The following ACTR3C variants were observed in gnomAD, a reference collection of about 807,000 sequenced individuals.
ACTR3C encodes actin related protein 3C.
ACTR3C carries 18 observed loss-of-function variants against 26.3 expected under a neutral mutation model. The ratio of observed to expected loss-of-function variants is 0.68; its 90% CI spans 0.47 to 1.01. The LOEUF (loss-of-function observed/expected upper bound fraction) is 1.01, where lower values mean the gene tolerates loss of function less well. Among genes scored for constraint, ACTR3C ranks in the 50% least tolerant of loss-of-function variants. The pLI is 0.00. For missense variants in ACTR3C, 184 were observed against 250.7 expected (o/e 0.73, Z 1.80); for synonymous variants, 55 against 94.5 (o/e 0.58, Z 2.42).
chr7:150,188,196 TA>T, the ACTR3C span, among the ~76,000 whole-genome samples: 4 of 152,222 alleles, frequency 2.6e-5, no homozygotes, highest in African/African-American at 9.6e-5. Context: ...GAACATTATA[TA>T]AATGAAATAA....
chr7:149,886,957 CAA>C, the ACTR3C span, among the ~76,000 whole-genome samples: 7,295 of 136,066 alleles, frequency 0.054, 165 homozygotes, highest in African/African-American at 0.082. Flanking sequence ...GAGACTGACT[CAA>C]AAAAAAAAAA....
intron 3 of ACTR3C, among the ~76,000 whole-genome samples, chr7:150,289,808 C>T (rs1299568584): frequency 6.6e-6 from 1 of 152,124 alleles, no homozygotes; most frequent in Non-Finnish European, 1.5e-5. Context: ...CAGATTATTC[C>T]AATAACCTGA....
the ACTR3C span, among the ~76,000 whole-genome samples, chr7:150,032,578 G>A: frequency 1.3e-5 from 2 of 152,104 alleles, no homozygotes; most frequent in African/African-American, 4.8e-5. Flanking sequence ...AAAACTTCAT[G>A]AGCTTAGAGC....
At chr7:149,951,860 G>T in the ACTR3C span, among the ~76,000 whole-genome samples, 1 of 150,336 alleles carries the variant, frequency 6.7e-6, no homozygotes, top group South Asian at 2.1e-4. Flanking sequence ...TCTTAGAATT[G>T]TGCCCAGCAG....
the ACTR3C span, among the ~76,000 whole-genome samples, chr7:150,237,261 A>G: frequency 3.7e-4 from 56 of 152,278 alleles, no homozygotes; most frequent in African/African-American, 1.3e-3. Flanking sequence ...TCCTCTTGGC[A>G]CTGGCTGTAT....
the ACTR3C span, among the ~76,000 whole-genome samples, chr7:149,976,667 TA>T: frequency 1.4e-4 from 20 of 146,652 alleles, no homozygotes; most frequent in African/African-American, 3.6e-4. Context: ...ATGATAAAAG[TA>T]AAAAAAAATT....
chr7:149,998,720 G>A, the ACTR3C span, among the ~76,000 whole-genome samples: 1 of 150,388 alleles, frequency 6.6e-6, no homozygotes, highest in African/African-American at 2.4e-5. Flanking sequence ...TTCAAGGTGA[G>A]ATTTGGGTGG....
At chr7:150,117,202 C>T in the ACTR3C span, among the ~76,000 whole-genome samples, 2 of 152,160 alleles carry the variant, frequency 1.3e-5, no homozygotes, top group African/African-American at 4.8e-5. Flanking sequence ...TTATCATACC[C>T]CAGTGCTTCC....
chr7:150,134,274 T>C, the ACTR3C span, among the ~76,000 whole-genome samples: 1 of 149,958 alleles, frequency 6.7e-6, no homozygotes, highest in Admixed American at 6.6e-5. Context: ...ACTGTTTAAT[T>C]ACTTCCTTCT....
At chr7:150,023,223 AGATCTCTATATATCTC>A in the ACTR3C span, among the ~76,000 whole-genome samples, 1 of 145,306 alleles carries the variant, frequency 6.9e-6, no homozygotes, top group African/African-American at 2.5e-5. Flanking sequence ...ATCTCTATAT[AGATCTCTATATATCTC>A]TCTATCTCTA....
the ACTR3C span, among the ~76,000 whole-genome samples, chr7:150,025,948 C>T: frequency 6.6e-6 from 1 of 152,080 alleles, no homozygotes; most frequent in Non-Finnish European, 1.5e-5. Flanking sequence ...CACCCTGCTT[C>T]GAACTCTCGC....
At chr7:150,202,122 T>C in the ACTR3C span, among the ~76,000 whole-genome samples, 2 of 152,286 alleles carry the variant, frequency 1.3e-5, no homozygotes, top group East Asian at 3.9e-4. Context: ...TTTCCATCAA[T>C]CTTTTTCTTG....
chr7:150,133,777 A>T, the ACTR3C span, among the ~76,000 whole-genome samples: 1 of 152,104 alleles, frequency 6.6e-6, no homozygotes, highest in Non-Finnish European at 1.5e-5. Context: ...TTGCCCTGTC[A>T]CTCAGACTGG....
At chr7:150,112,030 T>C in the ACTR3C span, among the ~76,000 whole-genome samples, 1 of 150,960 alleles carries the variant, frequency 6.6e-6, no homozygotes, top group Non-Finnish European at 1.5e-5. Context: ...GGGATTCATT[T>C]ATTCCTCCGA....
the ACTR3C span, among the ~76,000 whole-genome samples, chr7:150,131,965 C>G: frequency 6.6e-6 from 1 of 152,180 alleles, no homozygotes; most frequent in African/African-American, 2.4e-5. Flanking sequence ...AAAGAGGACA[C>G]CATGTACGAT....
At chr7:150,184,071 A>G in the ACTR3C span, among the ~76,000 whole-genome samples, 1 of 150,632 alleles carries the variant, frequency 6.6e-6, no homozygotes, top group Non-Finnish European at 1.5e-5. Context: ...TAAATTGCTC[A>G]GTTTCGGGTA....
At chr7:150,186,235 C>T in the ACTR3C span, among the ~76,000 whole-genome samples, 4,912 of 152,228 alleles carry the variant, frequency 0.032, 254 homozygotes, top group African/African-American at 0.11. Context: ...ACGGTCCAGT[C>T]CTCATCAATG....
At chr7:150,012,595 G>A in the ACTR3C span, among the ~76,000 whole-genome samples, 4 of 150,474 alleles carry the variant, frequency 2.7e-5, no homozygotes, top group Non-Finnish European at 4.4e-5. Flanking sequence ...GATTACAGGC[G>A]TGAGCCAACG....
At chr7:149,944,690 C>T in the ACTR3C span, among the ~76,000 whole-genome samples, 3 of 151,900 alleles carry the variant, frequency 2.0e-5, no homozygotes, top group African/African-American at 7.3e-5. Flanking sequence ...TTCACCTGCT[C>T]TCTTCCATGT....
Sources: allele counts gnomAD v4.1 joint callset (sites outside exome capture counted in the v4.1 genomes callset), GRCh38; gene constraint gnomAD v4.1.1; transcripts MANE v1.5; gene names NCBI Gene and HGNC (gene_info 2026-07-23, HGNC 2026-07-21).